Variants in RPS6KC1 observed in about 807,000 individuals in gnomAD.
RPS6KC1 encodes inactive ribosomal protein S6 kinase delta-1.
Under a neutral mutation model 103.8 loss-of-function variants are expected in RPS6KC1, and 54 were observed. The observed-to-expected ratio is 0.52, with a 90% CI of 0.42 to 0.65. RPS6KC1 has a LOEUF of 0.65. Ranked by LOEUF, RPS6KC1 falls within the 30% of genes least tolerant of loss-of-function variation. RPS6KC1 has a pLI of 0.00. For missense variants in RPS6KC1, 1,151 were observed against 1,253.8 expected (o/e 0.92, Z 1.24); for synonymous variants, 439 against 438.7 (o/e 1.00, Z -0.01).
intron 7 of RPS6KC1, among the ~76,000 whole-genome samples, chr1:213,168,324 GT>G (rs2091176335): frequency 1.3e-5 from 2 of 152,132 alleles, no homozygotes; most frequent in Admixed American, 6.5e-5. Flanking sequence ...ATTGATTCAT[GT>G]TAAAACTATT....
At chr1:213,248,390 C>T (rs1201677614) in intron 12 of RPS6KC1, among the ~76,000 whole-genome samples, 2 of 152,114 alleles carry the variant, frequency 1.3e-5, no homozygotes, top group Non-Finnish European at 2.9e-5. Flanking sequence ...GAATGATTAA[C>T]AAGTATGTTT....
chr1:213,146,057 C>A (rs183196476), intron 6 of RPS6KC1, among the ~76,000 whole-genome samples: 1 of 142,072 alleles, frequency 7.0e-6, no homozygotes, highest in African/African-American at 2.6e-5. Flanking sequence ...ACTCTGGTAA[C>A]CCATTCTTTT....
chr1:213,130,906 C>T (rs1415688838), intron 6 of RPS6KC1, among the ~76,000 whole-genome samples: 10 of 152,014 alleles, frequency 6.6e-5, no homozygotes, highest in Admixed American at 4.6e-4. Context: ...AGTAACTTCT[C>T]ATCCATCTAC....
chr1:213,824,913 C>A, the RPS6KC1 span, among the ~76,000 whole-genome samples: 1 of 152,156 alleles, frequency 6.6e-6, no homozygotes, highest in Non-Finnish European at 1.5e-5. Flanking sequence ...GGCAGTGGGA[C>A]CAACGGGCTG....
the RPS6KC1 span, among the ~76,000 whole-genome samples, chr1:213,619,673 C>T: frequency 6.6e-6 from 1 of 152,200 alleles, no homozygotes; most frequent in African/African-American, 2.4e-5. Context: ...GGCCTATAGA[C>T]CAATAACAAC....
At chr1:213,528,630 G>C in the RPS6KC1 span, among the ~76,000 whole-genome samples, 20 of 152,304 alleles carry the variant, frequency 1.3e-4, 1 homozygote, top group Admixed American at 1.2e-3. Context: ...TCCACTCTCT[G>C]TGTCCTTCTC....
chr1:213,760,331 C>T, the RPS6KC1 span, among the ~76,000 whole-genome samples: 4 of 152,192 alleles, frequency 2.6e-5, no homozygotes, highest in South Asian at 2.1e-4. Context: ...TCTTAAAAGC[C>T]TCCACAATGG....
At chr1:213,662,336 C>T in the RPS6KC1 span, among the ~76,000 whole-genome samples, 43 of 151,996 alleles carry the variant, frequency 2.8e-4, no homozygotes, top group African/African-American at 1.0e-3. Flanking sequence ...GGCATGATCT[C>T]CTGCAACCTC....
chr1:213,062,397 A>T (rs879263813), intron 1 of RPS6KC1, among the ~76,000 whole-genome samples: 6 of 152,308 alleles, frequency 3.9e-5, no homozygotes, highest in Admixed American at 3.9e-4. Flanking sequence ...AAAAATACAA[A>T]ATCTGAAACA....
chr1:213,363,896 A>G, the RPS6KC1 span, among the ~76,000 whole-genome samples: 1 of 143,286 alleles, frequency 7.0e-6, no homozygotes, highest in African/African-American at 2.6e-5. Context: ...CCTATATTTC[A>G]TTGGCCAGAA....
At chr1:213,841,068 T>C in the RPS6KC1 span, 1 of 152,182 alleles carries the variant, frequency 6.6e-6, no homozygotes, top group African/African-American at 2.4e-5. Context: ...GTAAAATAAA[T>C]GTTTAAATTT....
chr1:213,746,760 C>T, the RPS6KC1 span, among the ~76,000 whole-genome samples: 1 of 152,090 alleles, frequency 6.6e-6, no homozygotes, highest in African/African-American at 2.4e-5. Context: ...TTCCAAATAT[C>T]ACTTGAAGAT....
chr1:213,592,012 A>G, the RPS6KC1 span, among the ~76,000 whole-genome samples: 1 of 152,194 alleles, frequency 6.6e-6, no homozygotes, highest in African/African-American at 2.4e-5. Context: ...GTTAAGAGCT[A>G]AGGTTTGTCT....
the RPS6KC1 span, among the ~76,000 whole-genome samples, chr1:213,511,181 CTT>C: frequency 0.035 from 5,123 of 147,588 alleles, 97 homozygotes; most frequent in Non-Finnish European, 0.046. Flanking sequence ...TGAGGAATGT[CTT>C]TTTTTTTTTT....
chr1:213,162,892 A>G (rs80192185), intron 6 of RPS6KC1, among the ~76,000 whole-genome samples: 1 of 152,186 alleles, frequency 6.6e-6, no homozygotes, highest in Non-Finnish European at 1.5e-5. Flanking sequence ...ATTGGTTTTG[A>G]AAAAACATTA....
chr1:213,054,233 AC>A (rs2077164713), intron 1 of RPS6KC1, among the ~76,000 whole-genome samples: 1 of 152,150 alleles, frequency 6.6e-6, no homozygotes, highest in Non-Finnish European at 1.5e-5. Flanking sequence ...CTTAGAACTA[AC>A]CACATTTATA....
the RPS6KC1 span, among the ~76,000 whole-genome samples, chr1:213,665,097 TA>T: frequency 6.6e-6 from 1 of 152,018 alleles, no homozygotes; most frequent in African/African-American, 2.4e-5. Flanking sequence ...AGATACACAA[TA>T]CATTCATTAG....
the RPS6KC1 span, among the ~76,000 whole-genome samples, chr1:213,487,389 C>T: frequency 1.3e-5 from 2 of 152,238 alleles, no homozygotes; most frequent in South Asian, 4.2e-4. Context: ...AAGTGAGACC[C>T]TGTCTCAATA....
the RPS6KC1 span, among the ~76,000 whole-genome samples, chr1:213,389,603 C>A: frequency 5.6e-3 from 850 of 152,326 alleles, 9 homozygotes; most frequent in African/African-American, 0.019. Context: ...ACCAGTGTCA[C>A]CCCCGAGGCC....
Sources: allele counts gnomAD v4.1 joint callset (sites outside exome capture counted in the v4.1 genomes callset), GRCh38; gene constraint gnomAD v4.1.1; transcripts MANE v1.5; gene names NCBI Gene and HGNC (gene_info 2026-07-23, HGNC 2026-07-21).